The following ATXN10 variants were observed in gnomAD, a reference collection of about 807,000 sequenced individuals.
ATXN10 encodes ataxin-10.
Under a neutral mutation model 52.9 loss-of-function variants are expected in ATXN10, and 28 were observed. The observed-to-expected ratio is 0.53, with a 90% confidence interval of 0.39 to 0.73. The LOEUF (loss-of-function observed/expected upper bound fraction) is 0.73, where lower values mean the gene tolerates loss of function less well. Ranked by LOEUF, ATXN10 falls within the 30% of genes least tolerant of loss-of-function variation. ATXN10 has a pLI of 0.00. For synonymous variants in ATXN10, 226 were observed against 221.5 expected, an observed-to-expected ratio of 1.02 and a Z score of -0.18; for missense variants, 565 against 577.0, an observed-to-expected ratio of 0.98 and a Z score of 0.21.
rs930372660 is a variant in ATXN10, at chr22:45,786,213, C to T, written c.1174-20746C>T. On this transcript the variant is annotated intron_variant, in intron 9 of 11. Transcript: ENST00000252934. This position sits in a 1 kb window ranked among gnomAD's most constrained non-coding sequence, Gnocchi z 4.1. The stretch of plus-strand genomic sequence containing the variant: ...TGTATTAATCACATTGTGTTTTGTA[C>T]TTCCGGGTACTTTAAGAGCCTCTGC... 6.6e-6 allele frequency among the ~76,000 whole-genome samples: 1 copy of T among 152,190 alleles called. No individual in the cohort carries two copies. Among genetic ancestry groups the T allele is most frequent in the Non-Finnish European group, 1.5e-5 (1 of 68,036 alleles).
At chr22:45,812,012 A>AT (rs1485366987) in intron 10 of ATXN10, among the ~76,000 whole-genome samples, 1 of 152,134 alleles carries the variant, frequency 6.6e-6, no homozygotes, top group African/African-American at 2.4e-5. Flanking sequence ...CTTCTTCAGC[A>AT]TTCCCCAGGC....
Position 45,678,458 on chromosome 22 carries a change from T to C in ATXN10, c.116+6279T>C, listed in dbSNP as rs1195076964. On this transcript the variant is annotated intron_variant, in intron 1 of 11. Transcript: ENST00000252934. The surrounding 1 kb of genome is among the most constrained non-coding windows in gnomAD (Gnocchi z 4.1). ...GTGGGCATGTGAAGCTATATATTTA[T>C]GATTTTTAAAAAGTCACATTGTTTG... 6.6e-6 allele frequency: 1 copy of C among 152,222 alleles called. No individual in the cohort carries two copies. The highest frequency in any genetic ancestry group is 1.5e-5 in the Non-Finnish European group (1 of 68,044). 9.4% of individuals were successfully genotyped at this position (152,222 alleles called of 1,614,324 possible). A position where few individuals can be genotyped will look rare whatever the true frequency, so the allele number is the denominator to read the frequency against.
rs1044878429 is a variant in ATXN10 at position 45,784,692 on chromosome 22, T to G, written c.1174-22267T>G. Among the ~76,000 whole-genome samples the G allele has an allele frequency of 6.6e-6, 1 of 152,202 alleles. No individual in the cohort carries two copies. Among genetic ancestry groups the G allele is most frequent in the African/African-American group, 2.4e-5 (1 of 41,458 alleles). ...TAGAGCAGGGCCCAAATTGACCTCATGGCTATTCTTACACATTCCAGATAG... is the reference window on the plus strand; with the variant it reads ...TAGAGCAGGGCCCAAATTGACCTCAGGGCTATTCTTACACATTCCAGATAG... On this transcript the variant is annotated intron_variant, in intron 9 of 11. Coordinates refer to ENST00000252934, the MANE Select transcript of ATXN10 (RefSeq NM_013236.4). The surrounding 1 kb of genome is among the most constrained non-coding windows in gnomAD (Gnocchi z 4.2).
In ATXN10 at chr22:45,844,192, A is replaced by C; in HGVS notation, c.*521A>C. On this transcript the variant is annotated 3_prime_UTR_variant, in exon 12 of 12. Transcript: ENST00000252934. ...TCATTTCCAGTTAATTAATTCGAGAACCCTCCCTCTTCATTTTGGGTACTG... is the reference window on the plus strand; with the variant it reads ...TCATTTCCAGTTAATTAATTCGAGACCCCTCCCTCTTCATTTTGGGTACTG... The C allele has an allele frequency of 1.2e-5, 2 of 164,314 alleles. No individual in the cohort carries two copies. The highest frequency in any genetic ancestry group is 2.7e-5 in the Non-Finnish European group (2 of 75,438). The allele number at this position is 164,314 out of a possible 1,614,324, so 10.2% of individuals were successfully genotyped here.
rs958634772 is a variant in ATXN10 at position 45,759,127 on chromosome 22, G to A, written c.1173+18589G>A. On this transcript the variant is annotated intron_variant, in intron 9 of 11. Transcript: ENST00000252934. The surrounding 1 kb of genome is among the most constrained non-coding windows in gnomAD (Gnocchi z 5.4). ...TGATTAAGAGCACACTGTGTGCCAA[G>A]CATTATGCGAGGTGCTGGAGAGAAG... Among the ~76,000 whole-genome samples the A allele has an allele frequency of 1.3e-5, 2 of 152,172 alleles. No individual in the cohort carries two copies. Among genetic ancestry groups the A allele is most frequent in the African/African-American group, 4.8e-5 (2 of 41,440 alleles).
At chr22:45,785,608 C>T (rs1569063838) in intron 9 of ATXN10, among the ~76,000 whole-genome samples, 1 of 152,190 alleles carries the variant, frequency 6.6e-6, no homozygotes, top group Non-Finnish European at 1.5e-5. Context: ...TGCAGTAGAG[C>T]TTTTTGGCCT....
intron 1 of ATXN10, among the ~76,000 whole-genome samples, chr22:45,680,987 T>TG (rs1922898591): frequency 6.6e-6 from 1 of 152,162 alleles, no homozygotes; most frequent in South Asian, 2.1e-4. Context: ...CTCAAAGGTG[T>TG]GGTAGTTCTC....
At chr22:45,813,361 G>A (rs713681) in intron 10 of ATXN10, among the ~76,000 whole-genome samples, 82,394 of 143,916 alleles carry the variant, frequency 0.57, 25,006 homozygotes, top group East Asian at 0.74. Context: ...TGTTTTTACT[G>A]GGGGGAGGGT....
At chr22:45,803,830 A>G (rs931336787) in intron 9 of ATXN10, among the ~76,000 whole-genome samples, 17 of 151,932 alleles carry the variant, frequency 1.1e-4, no homozygotes, top group African/African-American at 4.1e-4. Flanking sequence ...GAAGCTTTGG[A>G]TACAGTCTCA....
Position 45,843,711 on chromosome 22 carries a change from TC to T in ATXN10, c.*41del. On this transcript the variant is annotated 3_prime_UTR_variant, in exon 12 of 12. Transcript: ENST00000252934. This position sits in a 1 kb window ranked among gnomAD's most constrained non-coding sequence, Gnocchi z 4.5. The stretch of plus-strand genomic sequence containing the variant: ...AATACCTGAATTTTTGGAATCTGTT[TC>T]ATGGATTTTTCATCTTCTACCGTAT... 6.3e-7 allele frequency: 1 copy of T among 1,596,808 alleles called. No homozygotes were observed. The highest frequency in any genetic ancestry group is 8.6e-7 in the Non-Finnish European group (1 of 1,165,700).
intron 9 of ATXN10, among the ~76,000 whole-genome samples, chr22:45,788,251 G>T (rs1055592490): frequency 1.3e-5 from 2 of 152,044 alleles, no homozygotes; most frequent in Admixed American, 6.6e-5. Flanking sequence ...TTACTTAGGT[G>T]TCTCGTCTCT....
In ATXN10 at chr22:45,820,821, T is replaced by C. The variant is rs1928621952; in HGVS notation, c.1237+13799T>C. 6.6e-6 allele frequency among the ~76,000 whole-genome samples: 1 copy of C among 152,092 alleles called. No homozygotes were observed. Among genetic ancestry groups the C allele is most frequent in the Non-Finnish European group, 1.5e-5 (1 of 68,008 alleles). On this transcript the variant is annotated intron_variant, in intron 10 of 11. Coordinates refer to ENST00000252934, the MANE Select transcript of ATXN10 (RefSeq NM_013236.4). This position sits in a 1 kb window ranked among gnomAD's most constrained non-coding sequence, Gnocchi z 4.9. ...AGTCGTCTTGGGGAATGGACAGACC[T>C]TTTCTTCAGGGTTAACTGAGCACAG...
At chr22:45,827,929 G>T (rs1359199591) in intron 10 of ATXN10, among the ~76,000 whole-genome samples, 2 of 152,154 alleles carry the variant, frequency 1.3e-5, no homozygotes, top group African/African-American at 4.8e-5. Context: ...TATCTTTTCT[G>T]ACTACAACTG....
At chr22:45,753,677 G>C (rs927028254) in intron 9 of ATXN10, among the ~76,000 whole-genome samples, 4 of 151,920 alleles carry the variant, frequency 2.6e-5, no homozygotes, top group Admixed American at 2.6e-4. Context: ...AAAGTGCTGG[G>C]ATTACAGGTG....
At chr22:45,773,014 G>T (rs1036347003) in intron 9 of ATXN10, among the ~76,000 whole-genome samples, 1 of 152,182 alleles carries the variant, frequency 6.6e-6, no homozygotes, top group Admixed American at 6.5e-5. Flanking sequence ...TTTCCCCCAA[G>T]ATATTTTTGA....
Position 45,843,602 on chromosome 22 carries a change from T to C in ATXN10, c.1426-67T>C. ...GACCAAAGTTCTGGGTTTTTTCCCC[T>C]TTTGTCTGATGAATCTTGTGAACAG... On this transcript the variant is annotated intron_variant, in intron 11 of 11. Coordinates refer to ENST00000252934, the MANE Select transcript of ATXN10 (RefSeq NM_013236.4). The surrounding 1 kb of genome is among the most constrained non-coding windows in gnomAD (Gnocchi z 4.5). The C allele has an allele frequency of 3.2e-6, 5 of 1,547,090 alleles. No individual in the cohort carries two copies. Among genetic ancestry groups the C allele is most frequent in the Non-Finnish European group, 4.5e-6 (5 of 1,123,036 alleles).
intron 9 of ATXN10, among the ~76,000 whole-genome samples, chr22:45,755,664 A>C (rs1408495713): frequency 6.6e-6 from 1 of 152,192 alleles, no homozygotes; most frequent in Non-Finnish European, 1.5e-5. Context: ...ATAGATTGGA[A>C]AAATAAAATT....
Position 45,770,849 on chromosome 22 carries a change from C to G in ATXN10, c.1173+30311C>G, listed in dbSNP as rs923709468. Among the ~76,000 whole-genome samples, 1 of 152,290 alleles carries G rather than the reference C, an allele frequency of 6.6e-6. No individual in the cohort carries two copies. The highest frequency in any genetic ancestry group is 2.4e-5 in the African/African-American group (1 of 41,566). On this transcript the variant is annotated intron_variant, in intron 9 of 11. Transcript: ENST00000252934. This position sits in a 1 kb window ranked among gnomAD's most constrained non-coding sequence, Gnocchi z 4.5. The stretch of plus-strand genomic sequence containing the variant: ...TTGGTCCCATGGCCTGGGAATACCC[C>G]CAAATTCCCTCCCTGATCCCTGAGT...
At position 45,733,679 on chromosome 22, in the gene ATXN10, C is replaced by G. The variant is rs1179871698; in HGVS notation, c.894+4089C>G. Reference sequence around the variant, plus strand: ...GGCGGAGGCAGAGAATCACGTGAACCCGGGAGGCGGAGGTTGCTGTGAACT... The same window carrying G: ...GGCGGAGGCAGAGAATCACGTGAACGCGGGAGGCGGAGGTTGCTGTGAACT... On this transcript the variant is annotated intron_variant, in intron 7 of 11. Transcript: ENST00000252934. The surrounding 1 kb of genome is among the most constrained non-coding windows in gnomAD (Gnocchi z 4.4). Among the ~76,000 whole-genome samples, 1 of 151,866 alleles carries G rather than the reference C, an allele frequency of 6.6e-6. No individual in the cohort carries two copies. The highest frequency in any genetic ancestry group is 1.5e-5 in the Non-Finnish European group (1 of 67,972).
Sources: gnomAD v4.1 joint callset for allele counts (sites outside exome capture counted in the v4.1 genomes callset) on GRCh38, gnomAD v4.1.1 for gene constraint, Gnocchi (gnomAD v3.1) non-coding constraint, MANE v1.5 for transcripts, NCBI Gene and HGNC (gene_info 2026-07-23, HGNC 2026-07-21) for gene names.